CUX2: variants seen among roughly 807,000 people sequenced by gnomAD.
The protein encoded by CUX2 is cut like homeobox 2, also known as homeobox protein cut-like 2.
In CUX2, 40 loss-of-function variants were observed where a neutral mutation model predicts 144.8. The ratio of observed to expected loss-of-function variants is 0.28; its 90% CI spans 0.21 to 0.36. The LOEUF is 0.36. Ranked by LOEUF, CUX2 falls within the 10% of genes least tolerant of loss-of-function variation. The pLI, the probability that CUX2 is intolerant of heterozygous loss-of-function variation, is 1.00. For missense variants in CUX2, 1,615 were observed against 1,994.0 expected (o/e 0.81, Z 3.62); for synonymous variants, 827 against 875.6 (o/e 0.94, Z 0.98).
intron 1 of CUX2, among the ~76,000 whole-genome samples, chr12:111,211,854 C>T (rs925017579): frequency 3.3e-5 from 5 of 151,100 alleles, no homozygotes; most frequent in Admixed American, 3.3e-4. Context: ...GCCACTGCAC[C>T]CCAGCCTGGG....
At chr12:111,270,579 G>A (rs1339342688) in intron 4 of CUX2, 1 of 151,066 alleles carries the variant, frequency 6.6e-6, no homozygotes, top group Non-Finnish European at 1.5e-5. Context: ...CGCACTCGTA[G>A]AGTCACTAGG....
chr12:111,274,245 A>C (rs1884757542), intron 4 of CUX2, among the ~76,000 whole-genome samples: 1 of 151,924 alleles, frequency 6.6e-6, no homozygotes, highest in African/African-American at 2.4e-5. Context: ...CTTTATTTTT[A>C]TTGTAAGGCA....
intron 18 of CUX2, among the ~76,000 whole-genome samples, chr12:111,331,267 T>C (rs1302708729): frequency 6.6e-6 from 1 of 152,202 alleles, no homozygotes; most frequent in Admixed American, 6.5e-5. Flanking sequence ...GAACCCATCC[T>C]GGGCTCAGGA....
chr12:111,167,956 A>C (rs915691688), intron 1 of CUX2, among the ~76,000 whole-genome samples: 7 of 152,126 alleles, frequency 4.6e-5, no homozygotes, highest in African/African-American at 1.2e-4. Flanking sequence ...TGCCTCCCAA[A>C]GTGCTGGGAT....
intron 3 of CUX2, among the ~76,000 whole-genome samples, chr12:111,258,329 A>G (rs981782791): frequency 1.3e-5 from 2 of 152,178 alleles, no homozygotes; most frequent in South Asian, 4.1e-4. Flanking sequence ...ACTGGCCAAC[A>G]TGGTGAAACC....
chr12:111,156,291 A>C (rs1404827104), intron 1 of CUX2, among the ~76,000 whole-genome samples: 1 of 151,666 alleles, frequency 6.6e-6, no homozygotes, highest in Non-Finnish European at 1.5e-5. Flanking sequence ...TTGCTCTAAG[A>C]TGTTCCCCTT....
intron 1 of CUX2, among the ~76,000 whole-genome samples, chr12:111,073,045 A>G (rs1387405248): frequency 6.6e-6 from 1 of 152,248 alleles, no homozygotes; most frequent in Non-Finnish European, 1.5e-5. Flanking sequence ...TTGACATGTC[A>G]CAGACAGAAA....
chr12:111,064,800 C>T (rs1457904813), intron 1 of CUX2, among the ~76,000 whole-genome samples: 1 of 152,196 alleles, frequency 6.6e-6, no homozygotes, highest in Non-Finnish European at 1.5e-5. Flanking sequence ...AATGACCCAT[C>T]TCTGAGCCTC....
chr12:111,306,472 G>A (rs943248839), intron 10 of CUX2, among the ~76,000 whole-genome samples: 2 of 152,060 alleles, frequency 1.3e-5, no homozygotes, highest in African/African-American at 4.8e-5. Context: ...CATGGGTCTT[G>A]GGGCTATCAG....
At chr12:111,203,093 G>T (rs896841203) in intron 1 of CUX2, among the ~76,000 whole-genome samples, 1 of 152,040 alleles carries the variant, frequency 6.6e-6, no homozygotes, top group East Asian at 1.9e-4. Context: ...TTCGCTGGGC[G>T]TGGTGGCACA....
intron 1 of CUX2, among the ~76,000 whole-genome samples, chr12:111,172,755 G>A (rs936178492): frequency 1.3e-5 from 2 of 152,178 alleles, no homozygotes; most frequent in Admixed American, 1.3e-4. Context: ...ACCAGTGAAC[G>A]TTTCTCGACT....
At position 111,310,426 on chromosome 12, in the gene CUX2, AGAG is replaced by A. The variant is rs747425536; in HGVS notation, c.1651_1653del (p.Glu551del). On this transcript the variant is annotated inframe_deletion, in exon 15 of 22. Transcript: ENST00000261726. This position sits in a 1 kb window ranked among gnomAD's most constrained non-coding sequence, Gnocchi z 7.9. ...GGGGCGGAGCGGCGGGGCCCGGGGCAGAGGAGGAGCAGCTGGACACGGCAGAGA... is the reference window on the plus strand; with the variant it reads ...GGGGCGGAGCGGCGGGGCCCGGGGCAGAGGAGCAGCTGGACACGGCAGAGA... 6 of 1,612,032 alleles carry A rather than the reference AGAG, an allele frequency of 3.7e-6. No homozygotes were observed. In the South Asian group the frequency reaches 6.6e-5, roughly 18 times the overall value.
At chr12:111,049,116 CCCATGAATCCATCCATCTATCCAT>C (rs1870137010) in intron 1 of CUX2, among the ~76,000 whole-genome samples, 1 of 152,128 alleles carries the variant, frequency 6.6e-6, no homozygotes, top group Admixed American at 6.5e-5. Context: ...ATCCATCCAT[CCCATGAATCCATCCATCTATCCAT>C]CCATGAATCC....
intron 1 of CUX2, among the ~76,000 whole-genome samples, chr12:111,212,261 T>C: frequency 6.6e-6 from 1 of 152,200 alleles, no homozygotes; most frequent in East Asian, 1.9e-4. Flanking sequence ...CATAACACCT[T>C]GTTCCTCACC....
rs2073106252 is a variant in CUX2, at chr12:111,310,248, G to A, written c.1466G>A (p.Arg489Lys). 6.6e-7 allele frequency: 1 copy of A among 1,508,900 alleles called. No individual in the cohort carries two copies. Among genetic ancestry groups the A allele is most frequent in the African/African-American group, 1.4e-5 (1 of 71,852 alleles). 93.5% of individuals were successfully genotyped at this position (1,508,900 alleles called of 1,614,324 possible). Residue 489 changes from arginine (R) to lysine (K), a missense_variant, in exon 15 of 22, where the codon AGA (arginine) becomes AAA (lysine). By Grantham distance (26) the Arg-to-Lys change is conservative. Around this residue, in one of 12 missense-constraint regions of CUX2, gnomAD observed 154 missense variants for 148.4 expected, o/e 1.04. Coordinates refer to ENST00000261726, the MANE Select transcript of CUX2 (RefSeq NM_015267.4). The surrounding 1 kb of genome is among the most constrained non-coding windows in gnomAD (Gnocchi z 7.9). ...TTCCCCAGCCTGGCATCAGGGGAGA[G>A]ACTGATGATGCCCCCAGCCGCCTTC... is the stretch of plus-strand genomic sequence containing the variant. ...SPFPSLASGE[R>K]LMMPPAAFKG...
intron 3 of CUX2, among the ~76,000 whole-genome samples, chr12:111,230,085 C>G (rs560165300): frequency 6.6e-6 from 1 of 150,832 alleles, no homozygotes; most frequent in Non-Finnish European, 1.5e-5. Flanking sequence ...ACCAGCAGGT[C>G]GAGGCTGCAA....
intron 3 of CUX2, among the ~76,000 whole-genome samples, chr12:111,222,827 A>T (rs1450250183): frequency 6.6e-6 from 1 of 152,138 alleles, no homozygotes; most frequent in Non-Finnish European, 1.5e-5. Flanking sequence ...GTCTGGGGGA[A>T]TTCGTGTGGC....
intron 4 of CUX2, among the ~76,000 whole-genome samples, chr12:111,273,593 G>T (rs1292050438): frequency 6.6e-6 from 1 of 152,236 alleles, no homozygotes; most frequent in Non-Finnish European, 1.5e-5. Flanking sequence ...TTCCAGGCTG[G>T]AAGGATGAAG....
chr12:111,182,140 C>T (rs1384637824), intron 1 of CUX2, among the ~76,000 whole-genome samples: 1 of 152,180 alleles, frequency 6.6e-6, no homozygotes, highest in East Asian at 1.9e-4. Flanking sequence ...CTGAAGCCCT[C>T]CCGAATGACT....
Sources: allele counts gnomAD v4.1 joint callset (sites outside exome capture counted in the v4.1 genomes callset), GRCh38; gene constraint gnomAD v4.1.1; regional missense constraint gnomAD v4.1.1; non-coding constraint Gnocchi (gnomAD v3.1); transcripts MANE v1.5; gene names NCBI Gene and HGNC (gene_info 2026-07-23, HGNC 2026-07-21).